The following DOCK3 variants were observed in gnomAD, a reference collection of about 807,000 sequenced individuals.
DOCK3 encodes dedicator of cytokinesis protein 3.
Under a neutral mutation model 265.6 loss-of-function variants are expected in DOCK3, and 60 were observed. The observed-to-expected ratio is 0.23, with a 90% CI of 0.18 to 0.28. The LOEUF is 0.28. DOCK3 is among the 10% of genes least tolerant of loss of function. The probability of loss-of-function intolerance (pLI) is 1.00; values close to 1 mark genes in which losing one functional copy is unlikely to be tolerated. For missense variants in DOCK3, 1,981 were observed against 2,594.3 expected (o/e 0.76, Z 5.14); for synonymous variants, 881 against 938.0 (o/e 0.94, Z 1.11).
chr3:50,767,498 A>G (rs1471653124), intron 1 of DOCK3, among the ~76,000 whole-genome samples: 1 of 152,148 alleles, frequency 6.6e-6, no homozygotes, highest in Non-Finnish European at 1.5e-5. Context: ...TGGTACCAGT[A>G]GCATGCTGTT....
chr3:51,150,954 A>G (rs893977735), intron 10 of DOCK3, among the ~76,000 whole-genome samples: 2 of 152,102 alleles, frequency 1.3e-5, no homozygotes, highest in African/African-American at 4.8e-5. Flanking sequence ...GTCTCCCATT[A>G]TTATTGTGTG....
intron 17 of DOCK3, 69 bp from the exon 18 acceptor site, chr3:51,228,592 A>G: frequency 1.3e-6 from 2 of 1,525,412 alleles, no homozygotes; most frequent in Admixed American, 2.1e-5. Context: ...CAGCCCAGAA[A>G]TTCCTAGGAC....
intron 5 of DOCK3, among the ~76,000 whole-genome samples, chr3:51,057,082 T>A (rs1243702652): frequency 6.6e-6 from 1 of 152,246 alleles, no homozygotes; most frequent in Non-Finnish European, 1.5e-5. Context: ...CCTACAACTT[T>A]GCTCATTTAC....
At chr3:51,283,355 T>C (rs2081237458) in intron 27 of DOCK3, among the ~76,000 whole-genome samples, 1 of 152,160 alleles carries the variant, frequency 6.6e-6, no homozygotes, top group Non-Finnish European at 1.5e-5. Flanking sequence ...AATTCTAAGA[T>C]TTGCCATGGT....
At chr3:51,269,175 A>G (rs902487968) in intron 23 of DOCK3, among the ~76,000 whole-genome samples, 2 of 148,022 alleles carry the variant, frequency 1.4e-5, no homozygotes, top group Non-Finnish European at 3.0e-5. Context: ...AATAATATAC[A>G]TATAATAATA....
chr3:50,858,707 T>C (rs755067331), intron 3 of DOCK3, among the ~76,000 whole-genome samples: 6 of 152,154 alleles, frequency 3.9e-5, no homozygotes, highest in Non-Finnish European at 8.8e-5. Context: ...TCTAGCAAGG[T>C]TGGGGAAGTT....
intron 3 of DOCK3, among the ~76,000 whole-genome samples, chr3:50,846,034 T>C (rs1360438936): frequency 6.6e-6 from 1 of 152,230 alleles, no homozygotes; most frequent in African/African-American, 2.4e-5. Context: ...TGAGTTGATA[T>C]GAAACCGTTA....
At chr3:50,850,263 G>A (rs2046298070) in intron 3 of DOCK3, among the ~76,000 whole-genome samples, 1 of 151,780 alleles carries the variant, frequency 6.6e-6, no homozygotes, top group African/African-American at 2.4e-5. Context: ...GGGGGGCTGA[G>A]GCAGGAGGAT....
intron 1 of DOCK3, among the ~76,000 whole-genome samples, chr3:50,715,042 T>C (rs1263091601): frequency 1.3e-5 from 2 of 152,274 alleles, no homozygotes; most frequent in African/African-American, 4.8e-5. Flanking sequence ...TTACTTGTTT[T>C]TCTTCTCCAC....
At chr3:51,308,044 C>A (rs1413863143) in intron 27 of DOCK3, among the ~76,000 whole-genome samples, 1 of 151,854 alleles carries the variant, frequency 6.6e-6, no homozygotes, top group Non-Finnish European at 1.5e-5. Context: ...GGGGTCAGGA[C>A]TTTTTGTAGG....
At chr3:50,974,623 G>A (rs1178970960) in intron 5 of DOCK3, among the ~76,000 whole-genome samples, 2 of 141,746 alleles carry the variant, frequency 1.4e-5, no homozygotes, top group Admixed American at 1.4e-4. Flanking sequence ...GGCGATGCGG[G>A]CTCTTTTTTG....
At chr3:51,090,173 G>A (rs1349781009) in intron 8 of DOCK3, 57 bp from the exon 9 acceptor site, 1 of 1,473,442 alleles carries the variant, frequency 6.8e-7, no homozygotes, top group Non-Finnish European at 9.1e-7. Context: ...ACTTTTTAAT[G>A]ATCAATATAA....
At chr3:50,973,096 GCAGACTTAAATTTC>G (rs2077302344) in intron 5 of DOCK3, among the ~76,000 whole-genome samples, 2 of 12,702 alleles carry the variant, frequency 1.6e-4, no homozygotes, top group African/African-American at 2.8e-4. Context: ...TTTTATTTTT[GCAGACTTAAATTTC>G]TTTTTTTTTT....
At chr3:50,710,771 C>T (rs2107911579) in intron 1 of DOCK3, among the ~76,000 whole-genome samples, 1 of 152,284 alleles carries the variant, frequency 6.6e-6, no homozygotes, top group Non-Finnish European at 1.5e-5. Flanking sequence ...GCCCATTAAC[C>T]AATGAGTGTA....
At chr3:51,178,783 A>G (rs1011620929) in intron 12 of DOCK3, among the ~76,000 whole-genome samples, 9 of 152,252 alleles carry the variant, frequency 5.9e-5, no homozygotes, top group South Asian at 2.1e-4. Flanking sequence ...AGACAAAAGT[A>G]TAGTAAAAAG....
intron 1 of DOCK3, among the ~76,000 whole-genome samples, chr3:50,711,129 T>TC (rs1189885914): frequency 1.3e-5 from 2 of 152,224 alleles, no homozygotes; most frequent in Non-Finnish European, 2.9e-5. Flanking sequence ...CTGGCTTTTT[T>TC]CTTGCATACA....
intron 27 of DOCK3, among the ~76,000 whole-genome samples, chr3:51,281,274 A>ATATATATATATAT (rs2081096037): frequency 8.0e-6 from 1 of 125,694 alleles, no homozygotes; most frequent in African/African-American, 3.0e-5. Context: ...GATGAGCTAA[A>ATATATATATATAT]ATATATATAT....
intron 3 of DOCK3, among the ~76,000 whole-genome samples, chr3:50,854,567 G>A (rs6773496): frequency 1 from 138,209 of 138,676 alleles, 68,877 homozygotes; most frequent in Middle Eastern, 1. Flanking sequence ...AGTTGCTTGA[G>A]CTACAGATGA....
At chr3:51,235,667 A>T (rs1239935998) in intron 19 of DOCK3, among the ~76,000 whole-genome samples, 1 of 152,170 alleles carries the variant, frequency 6.6e-6, no homozygotes, top group Non-Finnish European at 1.5e-5. Context: ...TTTAAACTGG[A>T]GGAAGGATAG....
Sources: gnomAD v4.1 joint callset for allele counts (sites outside exome capture counted in the v4.1 genomes callset) on GRCh38, gnomAD v4.1.1 for gene constraint, MANE v1.5 for transcripts, NCBI Gene and HGNC (gene_info 2026-07-23, HGNC 2026-07-21) for gene names.